The following PDE7B variants were observed in gnomAD, a reference collection of about 807,000 sequenced individuals.
The protein encoded by PDE7B is 3',5'-cyclic-AMP phosphodiesterase 7B.
Under a neutral mutation model 56.2 loss-of-function variants are expected in PDE7B, and 29 were observed. The ratio of observed to expected loss-of-function variants is 0.52; its 90% CI spans 0.38 to 0.70. PDE7B has a LOEUF of 0.70. Ranked by LOEUF, PDE7B falls within the 30% of genes least tolerant of loss-of-function variation. The pLI, the probability that PDE7B is intolerant of heterozygous loss-of-function variation, is 0.00. For synonymous variants in PDE7B, 197 were observed against 196.9 expected, an observed-to-expected ratio of 1.00 and a Z score of 0.00; for missense variants, 490 against 565.0, an observed-to-expected ratio of 0.87 and a Z score of 1.35.
At chr6:135,978,649 C>T (rs916876360) in intron 2 of PDE7B, among the ~76,000 whole-genome samples, 2 of 151,920 alleles carry the variant, frequency 1.3e-5, no homozygotes, top group African/African-American at 4.8e-5. Flanking sequence ...TCTTTATACC[C>T]TTATTTTATA....
At chr6:136,074,860 G>T (rs1481954595) in intron 2 of PDE7B, among the ~76,000 whole-genome samples, 2 of 152,198 alleles carry the variant, frequency 1.3e-5, no homozygotes, top group Middle Eastern at 3.4e-3. Flanking sequence ...CCGTATCTTG[G>T]CTGTTGTGAA....
intron 2 of PDE7B, chr6:136,070,279 C>A (rs1423121689): frequency 6.6e-6 from 1 of 152,018 alleles, no homozygotes; most frequent in African/African-American, 2.4e-5. Context: ...TCCTTGAATT[C>A]CAATTGAACA....
intron 2 of PDE7B, among the ~76,000 whole-genome samples, chr6:135,948,843 C>CTAGA (rs35143164): frequency 2.4e-3 from 314 of 132,458 alleles, no homozygotes; most frequent in East Asian, 5.3e-3. Context: ...ATTTCAGGTA[C>CTAGA]TAGATAGATA....
intron 2 of PDE7B, chr6:136,070,140 C>G (rs992856498): frequency 6.7e-6 from 1 of 149,386 alleles, no homozygotes; most frequent in African/African-American, 2.5e-5. Flanking sequence ...AGTATGAAAG[C>G]CTATATAAAA....
chr6:136,180,988 A>C (rs2128451229), intron 10 of PDE7B, among the ~76,000 whole-genome samples: 1 of 152,302 alleles, frequency 6.6e-6, no homozygotes, highest in African/African-American at 2.4e-5. Context: ...AGCAAGCTCC[A>C]TGTCCTTGGA....
chr6:136,165,468 T>C (rs890514776), intron 8 of PDE7B: 1 of 152,178 alleles, frequency 6.6e-6, no homozygotes, highest in Admixed American at 6.5e-5. Flanking sequence ...TTAAATCAAC[T>C]TGGTGTATTT....
intron 2 of PDE7B, among the ~76,000 whole-genome samples, chr6:136,005,753 G>T (rs1422198776): frequency 1.3e-5 from 2 of 152,138 alleles, no homozygotes; most frequent in Non-Finnish European, 2.9e-5. Context: ...TTACACTGTT[G>T]GTGGGACTCT....
intron 3 of PDE7B, among the ~76,000 whole-genome samples, chr6:136,144,827 C>A (rs778426896): frequency 6.6e-5 from 10 of 152,048 alleles, no homozygotes; most frequent in Non-Finnish European, 1.5e-4. Flanking sequence ...GGGGCAGGAA[C>A]ACAATATGTG....
intron 1 of PDE7B, among the ~76,000 whole-genome samples, chr6:135,926,607 G>T (rs1159961260): frequency 6.6e-6 from 1 of 151,914 alleles, no homozygotes; most frequent in Non-Finnish European, 1.5e-5. Flanking sequence ...ACCTGCTTCC[G>T]GTGAAGATCA....
rs140645978 is a variant in PDE7B, at chr6:135,983,647, G to A, written c.82+36123G>A. On this transcript the variant is annotated intron_variant, in intron 2 of 12. Transcript: ENST00000308191. The stretch of plus-strand genomic sequence containing the variant: ...GGAACTGTCTTTTTGTGTCTCATAC[G>A]TGAGCATTTATTGAAAATACTCCCC... 3.8e-3 allele frequency among the ~76,000 whole-genome samples: 582 copies of A among 152,144 alleles called. 2 individuals are homozygous for A. Among genetic ancestry groups the A allele is most frequent in the African/African-American group, 0.013 (550 of 41,498 alleles).
At chr6:135,909,484 T>TAA (rs2128193467) in intron 1 of PDE7B, among the ~76,000 whole-genome samples, 1 of 152,192 alleles carries the variant, frequency 6.6e-6, no homozygotes, top group African/African-American at 2.4e-5. Context: ...TGTGCGCCTA[T>TAA]AATCCCAGCT....
At chr6:136,139,172 A>C (rs1433646233) in intron 3 of PDE7B, among the ~76,000 whole-genome samples, 1 of 151,998 alleles carries the variant, frequency 6.6e-6, no homozygotes, top group Non-Finnish European at 1.5e-5. Flanking sequence ...TCCTGTGTCC[A>C]TGTGTTCTCA....
chr6:135,991,296 G>A (rs1158534744), intron 2 of PDE7B, among the ~76,000 whole-genome samples: 1 of 152,162 alleles, frequency 6.6e-6, no homozygotes, highest in Non-Finnish European at 1.5e-5. Flanking sequence ...TCAAGATGGA[G>A]TTGTTCTGGT....
chr6:136,083,545 A>G (rs1328186089), intron 2 of PDE7B, among the ~76,000 whole-genome samples: 2 of 152,156 alleles, frequency 1.3e-5, no homozygotes, highest in Non-Finnish European at 2.9e-5. Context: ...TCTCTTTTCC[A>G]TATTATTCAT....
At chr6:135,978,021 T>C (rs765238557) in intron 2 of PDE7B, among the ~76,000 whole-genome samples, 70 of 152,140 alleles carry the variant, frequency 4.6e-4, no homozygotes, top group Non-Finnish European at 8.1e-4. Flanking sequence ...CAGGCAAACC[T>C]GTACGGTAAT....
At chr6:136,021,008 C>T (rs557011801) in intron 2 of PDE7B, among the ~76,000 whole-genome samples, 18 of 152,242 alleles carry the variant, frequency 1.2e-4, no homozygotes, top group African/African-American at 3.9e-4. Flanking sequence ...TCTATTTTTC[C>T]TTGGCACCTA....
chr6:136,110,192 C>T (rs1777718715), intron 3 of PDE7B, among the ~76,000 whole-genome samples: 1 of 152,110 alleles, frequency 6.6e-6, no homozygotes, highest in Admixed American at 6.5e-5. Context: ...CTACCCAGAC[C>T]CTCAAAAATG....
chr6:136,066,852 C>CAT (rs1554277540), intron 2 of PDE7B, among the ~76,000 whole-genome samples: 24 of 138,290 alleles, frequency 1.7e-4, no homozygotes, highest in African/African-American at 3.4e-4. Context: ...TAACCATAAC[C>CAT]TTTTTTTTTT....
Position 136,192,093 on chromosome 6 carries a change from G to C in PDE7B, c.*253G>C, listed in dbSNP as rs989189541. 11 of 506,878 alleles carry C rather than the reference G, an allele frequency of 2.2e-5. No individual in the cohort carries two copies. The highest frequency in any genetic ancestry group is 3.6e-5 in the Non-Finnish European group (10 of 278,408). The allele number at this position is 506,878 out of a possible 1,614,324, so 31.4% of individuals were successfully genotyped here. On this transcript the variant is annotated 3_prime_UTR_variant, in exon 13 of 13. Transcript: ENST00000308191. ...ACGTGGGAGCTGATCCCACGGGCAG[G>C]CTCTCCCTGCTCCAGGAGAAGACTA...
Sources: allele counts gnomAD v4.1 joint callset (sites outside exome capture counted in the v4.1 genomes callset), GRCh38; gene constraint gnomAD v4.1.1; transcripts MANE v1.5; gene names NCBI Gene and HGNC (gene_info 2026-07-23, HGNC 2026-07-21).